The following CYP39A1 variants were observed in gnomAD, a reference collection of about 807,000 sequenced individuals.
The protein encoded by CYP39A1 is 24-hydroxycholesterol 7-alpha-hydroxylase.
In CYP39A1, 49 loss-of-function variants were observed where a neutral mutation model predicts 58.1. The observed-to-expected ratio is 0.84, with a 90% CI of 0.67 to 1.07. The LOEUF (loss-of-function observed/expected upper bound fraction) is 1.07. CYP39A1 is among the 50% of genes least tolerant of loss of function. The pLI is 0.00. For missense variants in CYP39A1, 531 were observed against 539.4 expected (o/e 0.98, Z 0.16); for synonymous variants, 209 against 187.6 (o/e 1.11, Z -0.93).
chr6:46,645,980 T>G (rs1370001787), intron 1 of CYP39A1, among the ~76,000 whole-genome samples: 2 of 152,156 alleles, frequency 1.3e-5, no homozygotes, highest in Admixed American at 1.3e-4. Flanking sequence ...ACAATTGATA[T>G]CTTTATGTAT....
rs1237614250 is a variant in CYP39A1, at chr6:46,616,282, T to TCCTTCCTTCCTTCCTTCCTC, written c.931+9135_931+9136insGAGGAAGGAAGGAAGGAAGG. Among the ~76,000 whole-genome samples, 7 of 116,340 alleles carry TCCTTCCTTCCTTCCTTCCTC rather than the reference T, an allele frequency of 6.0e-5. 1 individual carries two copies. The highest frequency in any genetic ancestry group is 2.4e-4 in the African/African-American group (6 of 25,456). The allele number at this position is 116,340 out of a possible 152,430, so 76.3% of individuals were successfully genotyped here. On this transcript the variant is annotated intron_variant, in intron 7 of 11. Coordinates refer to ENST00000275016, the MANE Select transcript of CYP39A1 (RefSeq NM_016593.5). ...TTTCTTCCTTCCTTCCTTCCTTCCT[T>TCCTTCCTTCCTTCCTTCCTC]CATCTTGCTCTGTTGCCCAGCCTGG...
At chr6:46,557,945 A>G (rs1260285139) in intron 10 of CYP39A1, among the ~76,000 whole-genome samples, 2 of 150,580 alleles carry the variant, frequency 1.3e-5, no homozygotes, top group African/African-American at 4.9e-5. Flanking sequence ...AAAAAAAAAA[A>G]AAAAAAAAAG....
Position 46,652,656 on chromosome 6 carries a change from C to A in CYP39A1, c.-74G>T, listed in dbSNP as rs1762777875. The A allele has an allele frequency of 1.4e-6, 2 of 1,406,884 alleles. No homozygotes were observed. The highest frequency in any genetic ancestry group is 1.9e-6 in the Non-Finnish European group (2 of 1,053,090). The allele number at this position is 1,406,884 out of a possible 1,614,324, so 87.2% of individuals were successfully genotyped here. On this transcript the variant is annotated 5_prime_UTR_variant, in exon 1 of 12. Coordinates refer to ENST00000275016, the MANE Select transcript of CYP39A1 (RefSeq NM_016593.5). ...CCGTCCCTTGCTTCTTTTCTGTGGGCTACGGAACCTGTCGGGACTCCCAAC... is the reference window on the plus strand; with the variant it reads ...CCGTCCCTTGCTTCTTTTCTGTGGGATACGGAACCTGTCGGGACTCCCAAC...
intron 1 of CYP39A1, among the ~76,000 whole-genome samples, chr6:46,647,694 C>T (rs930630606): frequency 1.3e-5 from 2 of 152,160 alleles, no homozygotes; most frequent in African/African-American, 4.8e-5. Flanking sequence ...GCCTAGTACA[C>T]TTTGGGACAC....
chr6:46,648,824 C>A (rs1383569021), intron 1 of CYP39A1, among the ~76,000 whole-genome samples: 9 of 149,794 alleles, frequency 6.0e-5, no homozygotes, highest in Admixed American at 5.3e-4. Flanking sequence ...AAAAAAAAAA[C>A]AAATAATGTT....
At chr6:46,630,830 C>G in intron 6 of CYP39A1, 133 bp downstream of exon 6, 1 of 728,956 alleles carries the variant, frequency 1.4e-6, no homozygotes, top group South Asian at 2.0e-5. Context: ...ATCTCACAAC[C>G]AAATCCACTG....
At chr6:46,581,339 G>A (rs1772122018) in intron 10 of CYP39A1, among the ~76,000 whole-genome samples, 1 of 151,474 alleles carries the variant, frequency 6.6e-6, no homozygotes, top group Non-Finnish European at 1.5e-5. Context: ...GAGCACAGGA[G>A]GTTGAAGCTA....
chr6:46,635,821 C>A (rs944755268), intron 5 of CYP39A1, among the ~76,000 whole-genome samples: 1 of 152,132 alleles, frequency 6.6e-6, no homozygotes, highest in Non-Finnish European at 1.5e-5. Flanking sequence ...CGTCGGCCCC[C>A]CAAAGTGCTG....
chr6:46,575,361 G>T (rs572437506), intron 10 of CYP39A1, among the ~76,000 whole-genome samples: 2 of 152,156 alleles, frequency 1.3e-5, no homozygotes, highest in African/African-American at 4.8e-5. Flanking sequence ...GGGTTGTCTT[G>T]TCCATGCAGT....
At chr6:46,567,375 CAACA>C (rs1771348964) in intron 10 of CYP39A1, among the ~76,000 whole-genome samples, 1 of 151,988 alleles carries the variant, frequency 6.6e-6, no homozygotes, top group Non-Finnish European at 1.5e-5. Flanking sequence ...ATTTATCAAT[CAACA>C]CTTTGGTTGT....
At chr6:46,583,264 T>C (rs941138031) in intron 10 of CYP39A1, 6 of 985,250 alleles carry the variant, frequency 6.1e-6, no homozygotes, top group Non-Finnish European at 6.0e-6. Flanking sequence ...CACTGGAGTT[T>C]AAGCCATATC....
intron 7 of CYP39A1, among the ~76,000 whole-genome samples, chr6:46,614,817 G>T (rs1170083184): frequency 6.6e-6 from 1 of 152,146 alleles, no homozygotes. Context: ...CAGGCTTGAA[G>T]GATGCATAGC....
At chr6:46,563,126 A>C (rs1771070818) in intron 10 of CYP39A1, among the ~76,000 whole-genome samples, 2 of 152,048 alleles carry the variant, frequency 1.3e-5, no homozygotes, top group African/African-American at 4.8e-5. Context: ...AAAAAAAAAA[A>C]AAAATACTGT....
chr6:46,631,475 C>T (rs1775657088), intron 5 of CYP39A1, among the ~76,000 whole-genome samples: 1 of 152,182 alleles, frequency 6.6e-6, no homozygotes, highest in East Asian at 1.9e-4. Flanking sequence ...GTAAAATGCA[C>T]TTTGGATCTC....
chr6:46,569,522 T>G (rs1771469487), intron 10 of CYP39A1, among the ~76,000 whole-genome samples: 1 of 152,100 alleles, frequency 6.6e-6, no homozygotes, highest in African/African-American at 2.4e-5. Flanking sequence ...TATATGGCCT[T>G]TATTATGTTG....
rs986677181 is a variant in CYP39A1 at position 46,564,143 on chromosome 6, CTATTT to C, written c.1251-10294_1251-10290del. On this transcript the variant is annotated intron_variant, in intron 10 of 11. Coordinates refer to ENST00000275016, the MANE Select transcript of CYP39A1 (RefSeq NM_016593.5). ...CTATTTTATTCTATTTTATTCTATT[CTATTT>C]TATTCTATTTTATTCTATTTTATTC... 3.6e-4 allele frequency among the ~76,000 whole-genome samples: 34 copies of C among 95,564 alleles called. 2 individuals are homozygous for C. Among genetic ancestry groups the C allele is most frequent in the African/African-American group, 1.7e-3 (30 of 17,450 alleles). The allele number at this position is 95,564 out of a possible 152,430, so 62.7% of individuals were successfully genotyped here.
intron 11 of CYP39A1, among the ~76,000 whole-genome samples, chr6:46,552,196 T>C (rs1770438199): frequency 6.6e-6 from 1 of 152,084 alleles, no homozygotes; most frequent in Non-Finnish European, 1.5e-5. Flanking sequence ...GGTGAGAAAA[T>C]CTTTGGATGT....
In CYP39A1 at chr6:46,633,604, A is replaced by C. The variant is rs189945373; in HGVS notation, c.733-2534T>G. On this transcript the variant is annotated intron_variant, in intron 5 of 11. Transcript: ENST00000275016. ...CCAGGCACGGTGGCTCACGCCTGTAATCCCAGCAGTTCGGGAGGCCGAGGC... is the reference window on the plus strand; with the variant it reads ...CCAGGCACGGTGGCTCACGCCTGTACTCCCAGCAGTTCGGGAGGCCGAGGC... Among the ~76,000 whole-genome samples, 220 of 152,310 alleles carry C rather than the reference A, an allele frequency of 1.4e-3. 2 individuals are homozygous for C. The highest frequency in any genetic ancestry group is 7.8e-4 in the Non-Finnish European group (53 of 68,020).
At chr6:46,559,177 TC>T (rs1295009112) in intron 10 of CYP39A1, among the ~76,000 whole-genome samples, 3 of 152,074 alleles carry the variant, frequency 2.0e-5, no homozygotes, top group Non-Finnish European at 4.4e-5. Flanking sequence ...GGAACTCAAG[TC>T]CCAAGGACAA....
Sources: gnomAD v4.1 joint callset for allele counts (sites outside exome capture counted in the v4.1 genomes callset) on GRCh38, gnomAD v4.1.1 for gene constraint, MANE v1.5 for transcripts, NCBI Gene and HGNC (gene_info 2026-07-23, HGNC 2026-07-21) for gene names.